MAGI2: variants seen among roughly 807,000 people sequenced by gnomAD.
MAGI2 encodes membrane associated guanylate kinase, WW and PDZ domain containing 2.
MAGI2 carries 35 observed loss-of-function variants against 133.3 expected under a neutral mutation model. The ratio of observed to expected loss-of-function variants is 0.26; its 90% CI spans 0.20 to 0.35. The LOEUF is 0.35. Among genes scored for constraint, MAGI2 ranks in the 10% least tolerant of loss-of-function variants. The pLI is 1.00. For missense variants in MAGI2, 1,636 were observed against 1,863.4 expected, an observed-to-expected ratio of 0.88 and a Z score of 2.25; for synonymous variants, 729 against 710.6, an observed-to-expected ratio of 1.03 and a Z score of -0.41.
At chr7:78,037,487 C>G (rs1398979412) in intron 21 of MAGI2, among the ~76,000 whole-genome samples, 2 of 152,186 alleles carry the variant, frequency 1.3e-5, no homozygotes, top group Non-Finnish European at 2.9e-5. Flanking sequence ...TCCCAGAATT[C>G]CTTCCTAAAA....
At chr7:78,807,493 C>T (rs1298911822) in intron 2 of MAGI2, among the ~76,000 whole-genome samples, 1 of 151,968 alleles carries the variant, frequency 6.6e-6, no homozygotes, top group Non-Finnish European at 1.5e-5. Flanking sequence ...TGTCATATAG[C>T]CCCTGGAAAA....
chr7:78,487,030 G>A (rs903959511), intron 6 of MAGI2: 3 of 509,854 alleles, frequency 5.9e-6, no homozygotes, highest in South Asian at 1.4e-5. Flanking sequence ...TGTAACCAAC[G>A]AAGGACCAAT....
At chr7:78,225,380 T>G (rs1160887803) in intron 10 of MAGI2, among the ~76,000 whole-genome samples, 1 of 152,094 alleles carries the variant, frequency 6.6e-6, no homozygotes, top group Non-Finnish European at 1.5e-5. Context: ...GACAGGGTCT[T>G]GCTCTATTGA....
At chr7:78,039,722 T>G (rs1247527536) in intron 21 of MAGI2, 1 of 152,196 alleles carries the variant, frequency 6.6e-6, no homozygotes, top group Non-Finnish European at 1.5e-5. Context: ...TCATAATAAA[T>G]GGAAATAGTC....
At chr7:78,318,800 A>G (rs989553075) in intron 9 of MAGI2, among the ~76,000 whole-genome samples, 6 of 152,166 alleles carry the variant, frequency 3.9e-5, no homozygotes, top group African/African-American at 1.4e-4. Context: ...GCCAGAAGTG[A>G]ATGGGGGCCG....
At chr7:78,816,326 A>T (rs2151419668) in intron 2 of MAGI2, among the ~76,000 whole-genome samples, 1 of 152,348 alleles carries the variant, frequency 6.6e-6, no homozygotes, top group African/African-American at 2.4e-5. Context: ...TTCAAGGTAA[A>T]GCACCAAGTG....
chr7:78,254,436 T>C (rs1037774919), intron 10 of MAGI2: 7 of 152,250 alleles, frequency 4.6e-5, no homozygotes, highest in Admixed American at 6.5e-5. Context: ...ATGTTTATTT[T>C]AATCTTAAGC....
At chr7:79,444,953 G>C (rs1250630000) in intron 1 of MAGI2, among the ~76,000 whole-genome samples, 1 of 152,104 alleles carries the variant, frequency 6.6e-6, no homozygotes, top group South Asian at 2.1e-4. Flanking sequence ...CATGGTACTG[G>C]TACCAAAACA....
At chr7:78,512,544 T>A (rs1316284534) in intron 4 of MAGI2, among the ~76,000 whole-genome samples, 1 of 152,220 alleles carries the variant, frequency 6.6e-6, no homozygotes, top group Non-Finnish European at 1.5e-5. Flanking sequence ...TAACTGGGAC[T>A]ACAGGGGCGT....
At chr7:79,135,278 A>G (rs946240788) in intron 1 of MAGI2, among the ~76,000 whole-genome samples, 5 of 152,240 alleles carry the variant, frequency 3.3e-5, no homozygotes, top group Non-Finnish European at 5.9e-5. Context: ...AGATATTCCA[A>G]TATTATTTTG....
chr7:79,191,409 T>G (rs1246701212), intron 1 of MAGI2, among the ~76,000 whole-genome samples: 2 of 93,056 alleles, frequency 2.1e-5, no homozygotes, highest in Middle Eastern at 4.4e-3. Flanking sequence ...TTTCTTTTTT[T>G]TTTTTTTTTT....
intron 1 of MAGI2, among the ~76,000 whole-genome samples, chr7:79,338,809 C>G (rs1840679929): frequency 6.6e-6 from 1 of 152,050 alleles, no homozygotes; most frequent in Non-Finnish European, 1.5e-5. Context: ...AGCCTCGTAG[C>G]CACACCTTGA....
At chr7:78,814,876 T>G (rs1026090559) in intron 2 of MAGI2, among the ~76,000 whole-genome samples, 1 of 152,084 alleles carries the variant, frequency 6.6e-6, no homozygotes, top group Admixed American at 6.6e-5. Flanking sequence ...GTGCATGCCA[T>G]CACACCAGGC....
At position 79,200,810 on chromosome 7, in the gene MAGI2, ACTTCTATAG is replaced by A. The variant is rs1828547533; in HGVS notation, c.302-193613_302-193605del. ...CCTTCCCACTCCAACAGGCAGAATTACTTCTATAGCTTCATTTACCACTACTTTTCCTGA... is the reference window on the plus strand; with the variant it reads ...CCTTCCCACTCCAACAGGCAGAATTACTTCATTTACCACTACTTTTCCTGA... On this transcript the variant is annotated intron_variant, in intron 1 of 21. Coordinates refer to ENST00000354212, the MANE Select transcript of MAGI2 (RefSeq NM_012301.4). 1.3e-5 allele frequency among the ~76,000 whole-genome samples: 2 copies of A among 151,888 alleles called. 1 individual carries two copies. Among genetic ancestry groups the A allele is most frequent in the African/African-American group, 4.9e-5 (2 of 41,230 alleles).
At chr7:78,035,746 GT>G (rs397764424) in intron 21 of MAGI2, among the ~76,000 whole-genome samples, 155 of 140,858 alleles carry the variant, frequency 1.1e-3, no homozygotes, top group South Asian at 3.9e-3. Flanking sequence ...TGGCCTGAAT[GT>G]TTTTTTTTTT....
chr7:78,948,697 T>C (rs1162096947), intron 2 of MAGI2, among the ~76,000 whole-genome samples: 2 of 152,152 alleles, frequency 1.3e-5, no homozygotes, highest in African/African-American at 2.4e-5. Flanking sequence ...AAACATTCTA[T>C]AAATAGTAAA....
chr7:78,227,002 G>T (rs1454990151), intron 10 of MAGI2, among the ~76,000 whole-genome samples: 3 of 152,102 alleles, frequency 2.0e-5, no homozygotes, highest in African/African-American at 7.2e-5. Context: ...GATATTTTGT[G>T]GGACAGCATC....
At chr7:78,679,721 T>C (rs1386693512) in intron 2 of MAGI2, among the ~76,000 whole-genome samples, 2 of 152,102 alleles carry the variant, frequency 1.3e-5, no homozygotes, top group Admixed American at 6.6e-5. Flanking sequence ...CCTGCAGCAG[T>C]GTGAAATAAT....
intron 2 of MAGI2, among the ~76,000 whole-genome samples, chr7:78,826,412 G>C (rs1315230680): frequency 6.7e-6 from 1 of 148,248 alleles, no homozygotes; most frequent in African/African-American, 2.5e-5. Flanking sequence ...GTGTAACAAA[G>C]CTACATACTG....
Sources: allele counts gnomAD v4.1 joint callset (sites outside exome capture counted in the v4.1 genomes callset), GRCh38; gene constraint gnomAD v4.1.1; transcripts MANE v1.5; gene names NCBI Gene and HGNC (gene_info 2026-07-23, HGNC 2026-07-21).